The following GRM1 variants were observed in gnomAD, a reference collection of about 807,000 sequenced individuals.
GRM1 encodes metabotropic glutamate receptor 1.
In GRM1, 33 loss-of-function variants were observed where a neutral mutation model predicts 90.9. The ratio of observed to expected loss-of-function variants is 0.36; its 90% confidence interval spans 0.28 to 0.49. The LOEUF is 0.49. Among genes scored for constraint, GRM1 ranks in the 20% least tolerant of loss-of-function variants. The pLI, the probability that GRM1 is intolerant of heterozygous loss-of-function variation, is 0.99. For missense variants in GRM1, 1,190 were observed against 1,534.3 expected, an observed-to-expected ratio of 0.78 and a Z score of 3.75; for synonymous variants, 700 against 613.2, an observed-to-expected ratio of 1.14 and a Z score of -2.09.
intron 5 of GRM1, among the ~76,000 whole-genome samples, chr6:146,358,224 G>C (rs911870797): frequency 2.0e-5 from 3 of 148,772 alleles, no homozygotes; most frequent in African/African-American, 7.5e-5. Flanking sequence ...CTATTTTCAG[G>C]AGCTATTTGG....
intron 1 of GRM1, among the ~76,000 whole-genome samples, chr6:146,036,452 G>T (rs73576905): frequency 0.012 from 1,783 of 152,010 alleles, 32 homozygotes; most frequent in African/African-American, 0.041. Context: ...GTTATCATTA[G>T]ATTCTAAAAT....
At chr6:146,350,468 GT>G (rs3840131) in intron 3 of GRM1, among the ~76,000 whole-genome samples, 86,138 of 148,472 alleles carry the variant, frequency 0.58, 24,775 homozygotes, top group South Asian at 0.67. Context: ...CAATTTTTGT[GT>G]TTTTTTTTTT....
At chr6:146,424,536 A>G (rs1778126925) in intron 7 of GRM1, among the ~76,000 whole-genome samples, 1 of 152,236 alleles carries the variant, frequency 6.6e-6, no homozygotes, top group Non-Finnish European at 1.5e-5. Context: ...CCCATTGACC[A>G]TCACTTGCAA....
At chr6:146,331,734 C>T (rs1287384474) in intron 3 of GRM1, among the ~76,000 whole-genome samples, 1 of 152,050 alleles carries the variant, frequency 6.6e-6, no homozygotes, top group African/African-American at 2.4e-5. Context: ...AGACAGAGTA[C>T]AAACAGATGC....
intron 2 of GRM1, among the ~76,000 whole-genome samples, chr6:146,191,195 G>A (rs1044298725): frequency 1.3e-5 from 2 of 152,058 alleles, no homozygotes; most frequent in African/African-American, 4.8e-5. Flanking sequence ...TCTTGCCATC[G>A]TGCCCCCATT....
At chr6:146,384,596 G>A (rs1267709710) in intron 5 of GRM1, among the ~76,000 whole-genome samples, 2 of 152,054 alleles carry the variant, frequency 1.3e-5, no homozygotes, top group African/African-American at 4.8e-5. Context: ...TGCACACAAT[G>A]TCTTGCATCT....
At chr6:146,160,789 CAAAT>C (rs1296810799) in intron 2 of GRM1, among the ~76,000 whole-genome samples, 1 of 152,022 alleles carries the variant, frequency 6.6e-6, no homozygotes, top group Non-Finnish European at 1.5e-5. Flanking sequence ...GATAGAAATA[CAAAT>C]AAATGAATAA....
chr6:146,370,869 C>T (rs1290979358), intron 5 of GRM1, among the ~76,000 whole-genome samples: 1 of 152,024 alleles, frequency 6.6e-6, no homozygotes, highest in East Asian at 1.9e-4. Context: ...ATATAGAGTG[C>T]CTAGCACATA....
rs1778623740 is a variant in GRM1, at chr6:146,437,295, T to C, written c.*2499T>C. The C allele has an allele frequency of 6.6e-6, 1 of 152,496 alleles. No individual in the cohort carries two copies. The highest frequency in any genetic ancestry group is 2.4e-5 in the African/African-American group (1 of 41,446). The allele number at this position is 152,496 out of a possible 1,614,324, so 9.4% of individuals were successfully genotyped here. ...TATTCAAGTGTAAGATGATATCAGGTTGGTCTAAGACTTTTGGTGAACACG... is the reference window on the plus strand; with the variant it reads ...TATTCAAGTGTAAGATGATATCAGGCTGGTCTAAGACTTTTGGTGAACACG... On this transcript the variant is annotated 3_prime_UTR_variant, in exon 8 of 8. Transcript: ENST00000282753.
At chr6:146,173,414 A>T (rs1249294813) in intron 2 of GRM1, among the ~76,000 whole-genome samples, 2 of 151,192 alleles carry the variant, frequency 1.3e-5, no homozygotes, top group African/African-American at 4.8e-5. Context: ...AGAAAAGAAA[A>T]AAAAAAAGAA....
chr6:146,330,296 G>T (rs929042979), intron 3 of GRM1, among the ~76,000 whole-genome samples: 1 of 152,116 alleles, frequency 6.6e-6, no homozygotes, highest in Admixed American at 6.6e-5. Flanking sequence ...GATTTAGCTT[G>T]GAAAGTTACT....
In GRM1 at chr6:146,229,236, A is replaced by G. The variant is rs1004141819; in HGVS notation, c.950+69639A>G. Among the ~76,000 whole-genome samples, 6 of 151,704 alleles carry G rather than the reference A, an allele frequency of 4.0e-5. No homozygotes were observed. The South Asian group carries it at 1.3e-3, about 32-fold the overall frequency. ...CGACCTCAGGTGATCCGCCTGCCTC[A>G]GCCTCCAAAAGTGCTGGGATTACAG... is the stretch of plus-strand genomic sequence containing the variant. On this transcript the variant is annotated intron_variant, in intron 2 of 7. Coordinates refer to ENST00000282753, the MANE Select transcript of GRM1 (RefSeq NM_001278064.2).
rs1036133535 is a variant in GRM1 at position 146,434,751 on chromosome 6, C to T, written c.3540C>T (p.Ala1180=). Residue 1180 remains alanine, a synonymous_variant, in exon 8 of 8, where the codon GCC becomes GCT. Coordinates refer to ENST00000282753, the MANE Select transcript of GRM1 (RefSeq NM_001278064.2). ...GCACCCCTCCCAACGTATCCTACGC[C>T]TCTGTCATTCTGCGGGACTACAAGC... is the stretch of plus-strand genomic sequence containing the variant. ...VLCTPPNVSY[A]SVILRDYKQS... 8 of 1,600,142 alleles carry T rather than the reference C, an allele frequency of 5.0e-6. No homozygotes were observed. The highest frequency in any genetic ancestry group is 5.1e-6 in the Non-Finnish European group (6 of 1,179,942).
intron 1 of GRM1, among the ~76,000 whole-genome samples, chr6:146,154,671 A>T (rs746710292): frequency 2.2e-4 from 33 of 152,216 alleles, no homozygotes; most frequent in Admixed American, 5.2e-4. Context: ...AAACTTTTAC[A>T]GATGTTGACA....
rs1776618055 is a variant in GRM1 at position 146,389,118 on chromosome 6, T to A, written c.1729+2102T>A. 1.3e-5 allele frequency among the ~76,000 whole-genome samples: 2 copies of A among 152,024 alleles called. 1 individual carries two copies. Among genetic ancestry groups the A allele is most frequent in the South Asian group, 4.1e-4 (2 of 4,830 alleles). ...TCCTGCCAGGCCTCTTTTTCTTGTA[T>A]AAGTAGGTCCGCTTAGATGGCCATT... On this transcript the variant is annotated intron_variant, in intron 6 of 7. Transcript: ENST00000282753.
intron 3 of GRM1, among the ~76,000 whole-genome samples, chr6:146,308,604 T>C (rs192726529): frequency 6.6e-6 from 1 of 152,214 alleles, no homozygotes; most frequent in Non-Finnish European, 1.5e-5. Flanking sequence ...TATTTTCTCT[T>C]ATATTTTCCC....
intron 2 of GRM1, among the ~76,000 whole-genome samples, chr6:146,296,328 A>G (rs1441298483): frequency 6.6e-6 from 1 of 152,206 alleles, no homozygotes; most frequent in Non-Finnish European, 1.5e-5. Context: ...ATGGAGTACA[A>G]TGTGATGTTG....
chr6:146,267,255 A>T (rs558607400), intron 2 of GRM1, among the ~76,000 whole-genome samples: 2 of 152,268 alleles, frequency 1.3e-5, no homozygotes, highest in South Asian at 4.1e-4. Flanking sequence ...TCCATGGTGT[A>T]TATGTACGGC....
chr6:146,144,249 A>C (rs1450968472), intron 1 of GRM1, among the ~76,000 whole-genome samples: 1 of 152,146 alleles, frequency 6.6e-6, no homozygotes, highest in Non-Finnish European at 1.5e-5. Flanking sequence ...GAAGGCTTCT[A>C]ATCTTATTGG....
Sources: gnomAD v4.1 joint callset for allele counts (sites outside exome capture counted in the v4.1 genomes callset) on GRCh38, gnomAD v4.1.1 for gene constraint, MANE v1.5 for transcripts, NCBI Gene and HGNC (gene_info 2026-07-23, HGNC 2026-07-21) for gene names.